The following ZNF536 variants were observed in gnomAD, a reference collection of about 807,000 sequenced individuals.
ZNF536 encodes zinc finger protein 536.
A neutral mutation model predicts 84.5 loss-of-function variants in ZNF536; 13 were observed. The ratio of observed to expected loss-of-function variants is 0.15; its 90% CI spans 0.10 to 0.24. The LOEUF is 0.24. Ranked by LOEUF, ZNF536 falls within the 10% of genes least tolerant of loss-of-function variation. The pLI is 1.00. For missense variants in ZNF536, 1,536 were observed against 1,747.5 expected, an observed-to-expected ratio of 0.88 and a Z score of 2.16; for synonymous variants, 811 against 742.5, an observed-to-expected ratio of 1.09 and a Z score of -1.50.
intron 1 of ZNF536, among the ~76,000 whole-genome samples, chr19:30,397,556 T>C (rs2049873153): frequency 6.6e-6 from 1 of 152,204 alleles, no homozygotes; most frequent in African/African-American, 2.4e-5. Flanking sequence ...TCTACAATTA[T>C]CTCAAGACAA....
intron 2 of ZNF536, among the ~76,000 whole-genome samples, chr19:30,335,742 G>T (rs969236933): frequency 6.6e-6 from 1 of 152,072 alleles, no homozygotes; most frequent in East Asian, 1.9e-4. Flanking sequence ...AATCTTCCTC[G>T]CCAGGGCTGC....
chr19:30,364,778 A>G (rs2048375542), intron 3 of ZNF536, among the ~76,000 whole-genome samples: 1 of 152,220 alleles, frequency 6.6e-6, no homozygotes, highest in African/African-American at 2.4e-5. Flanking sequence ...TTAGAAAAGA[A>G]AAACACCCTT....
intron 2 of ZNF536, among the ~76,000 whole-genome samples, chr19:30,294,546 AAT>A (rs199556865): frequency 1.1e-5 from 1 of 87,458 alleles, no homozygotes; most frequent in Admixed American, 1.2e-4. Flanking sequence ...TCTAGGCCCC[AAT>A]ATGTGTGTGT....
In ZNF536 at chr19:30,287,881, T is replaced by C. The variant is rs968108241; in HGVS notation, c.-120+3740T>C. Among the ~76,000 whole-genome samples the C allele has an allele frequency of 2.2e-4, 33 of 152,206 alleles. 2 individuals carry two copies. Among genetic ancestry groups the C allele is most frequent in the Admixed American group, 1.4e-3 (21 of 15,286 alleles). ...GGTCTCTATCTCAAGCCCTAACATGTACCTTAGAATATTGGGCTCATTGAT... is the reference window on the plus strand; with the variant it reads ...GGTCTCTATCTCAAGCCCTAACATGCACCTTAGAATATTGGGCTCATTGAT... On this transcript the variant is annotated intron_variant, in intron 2 of 5. Transcript: ENST00000585628.
At chr19:30,676,429 C>T (rs1289788269) in intron 1 of ZNF536, among the ~76,000 whole-genome samples, 2 of 152,150 alleles carry the variant, frequency 1.3e-5, no homozygotes, top group African/African-American at 4.8e-5. Context: ...CATAGGTCTG[C>T]CTCGTGATCA....
chr19:30,645,096 A>G (rs944425986), intron 1 of ZNF536, among the ~76,000 whole-genome samples: 4 of 151,964 alleles, frequency 2.6e-5, no homozygotes, highest in Admixed American at 2.6e-4. Flanking sequence ...TGTGGTTTTG[A>G]TTTGCATTTC....
intron 1 of ZNF536, among the ~76,000 whole-genome samples, chr19:30,579,876 T>C (rs201754717): frequency 1.8e-3 from 276 of 152,320 alleles, no homozygotes; most frequent in African/African-American, 6.4e-3. Context: ...AACCACCTGC[T>C]TTACCACCAC....
intron 1 of ZNF536, among the ~76,000 whole-genome samples, chr19:30,636,358 G>A (rs925569793): frequency 3.9e-5 from 6 of 152,174 alleles, no homozygotes; most frequent in Admixed American, 6.5e-5. Flanking sequence ...GACCGGATGC[G>A]TGTCCTGGCT....
At chr19:30,664,204 T>TTCTCTC (rs71173915) in intron 1 of ZNF536, among the ~76,000 whole-genome samples, 995 of 90,436 alleles carry the variant, frequency 0.011, 19 homozygotes, top group Non-Finnish European at 0.015. Context: ...TTGCTGAGTT[T>TTCTCTC]TCTCTCTCTC....
intron 1 of ZNF536, among the ~76,000 whole-genome samples, chr19:30,661,801 A>G (rs1244428718): frequency 1.3e-5 from 2 of 152,196 alleles, no homozygotes; most frequent in African/African-American, 4.8e-5. Context: ...GACCTTACCT[A>G]TAACATTTAG....
At chr19:30,288,943 C>T (rs1273642485) in intron 2 of ZNF536, among the ~76,000 whole-genome samples, 1 of 152,128 alleles carries the variant, frequency 6.6e-6, no homozygotes, top group African/African-American at 2.4e-5. Context: ...CTAGGAACCC[C>T]AAGATGTTGC....
intron 2 of ZNF536, among the ~76,000 whole-genome samples, chr19:30,509,374 T>C (rs1188912853): frequency 6.9e-6 from 1 of 145,478 alleles, no homozygotes; most frequent in Non-Finnish European, 1.5e-5. Flanking sequence ...CATACATATA[T>C]GATATATATT....
chr19:30,412,639 G>C (rs1443827469), intron 1 of ZNF536, among the ~76,000 whole-genome samples: 1 of 151,892 alleles, frequency 6.6e-6, no homozygotes, highest in Non-Finnish European at 1.5e-5. Flanking sequence ...AGTAATAGTA[G>C]TAACAGTAAT....
At chr19:30,232,440 C>T (rs556251168) in intron 1 of ZNF536, among the ~76,000 whole-genome samples, 16 of 151,914 alleles carry the variant, frequency 1.1e-4, no homozygotes, top group African/African-American at 3.4e-4. Flanking sequence ...CGCCTTTCTC[C>T]CCCCTCTAGT....
chr19:30,456,308 C>CTTTTT lies in ZNF536; in HGVS notation c.2170+10592_2170+10596dup, dbSNP rs11301441. Among the ~76,000 whole-genome samples, 449 of 107,820 alleles carry CTTTTT rather than the reference C, an allele frequency of 4.2e-3. 1 individual carries two copies. The highest frequency in any genetic ancestry group is 0.012 in the East Asian group (49 of 3,922). 70.7% of individuals were successfully genotyped at this position (107,820 alleles called of 152,430 possible). A position where few individuals can be genotyped will look rare whatever the true frequency, so the allele number is the denominator to read the frequency against. The stretch of plus-strand genomic sequence containing the variant: ...CGTGAACACGGGACTTGTTTCTTTT[C>CTTTTT]TTTTTTTTTTTTTTTTTTTTGCCTG... On this transcript the variant is annotated intron_variant, in intron 2 of 4. Transcript: ENST00000355537.
At chr19:30,678,733 G>GCCCCCC (rs148987682) in intron 1 of ZNF536, among the ~76,000 whole-genome samples, 1 of 132,664 alleles carries the variant, frequency 7.5e-6, no homozygotes, top group Non-Finnish European at 1.6e-5. Flanking sequence ...CCACCCCCAA[G>GCCCCCC]CCCCCCCACA....
At chr19:30,577,814 T>C (rs1218075113) in intron 1 of ZNF536, among the ~76,000 whole-genome samples, 2 of 152,244 alleles carry the variant, frequency 1.3e-5, no homozygotes, top group Non-Finnish European at 2.9e-5. Context: ...AAATTGAAGA[T>C]GTTTTACATC....
chr19:30,666,952 G>C (rs1358107110), intron 1 of ZNF536, among the ~76,000 whole-genome samples: 1 of 151,918 alleles, frequency 6.6e-6, no homozygotes, highest in East Asian at 1.9e-4. Context: ...CAGAAGTTGT[G>C]GTAACCCTGG....
At chr19:30,494,110 T>C (rs941964779) in intron 2 of ZNF536, among the ~76,000 whole-genome samples, 7 of 152,076 alleles carry the variant, frequency 4.6e-5, no homozygotes, top group Admixed American at 4.6e-4. Flanking sequence ...GTTCAGAACA[T>C]GTGAATAATT....
Sources: gnomAD v4.1 joint callset for allele counts (sites outside exome capture counted in the v4.1 genomes callset) on GRCh38, gnomAD v4.1.1 for gene constraint, MANE v1.5 for transcripts, NCBI Gene and HGNC (gene_info 2026-07-23, HGNC 2026-07-21) for gene names.